Variants in AGAP1 observed in about 807,000 individuals in gnomAD.
AGAP1 encodes the protein arf-GAP with GTPase, ANK repeat and PH domain-containing protein 1.
AGAP1 carries 29 observed loss-of-function variants against 105.3 expected under a neutral mutation model. The ratio of observed to expected loss-of-function variants is 0.28; its 90% CI spans 0.21 to 0.38. AGAP1 has a LOEUF of 0.38. Ranked by LOEUF, AGAP1 falls within the 10% of genes least tolerant of loss-of-function variation. AGAP1 has a pLI of 1.00. For synonymous variants in AGAP1, 509 were observed against 485.9 expected, an observed-to-expected ratio of 1.05 and a Z score of -0.63; for missense variants, 998 against 1,165.1, an observed-to-expected ratio of 0.86 and a Z score of 2.09.
chr2:235,888,352 G>A lies in AGAP1; in HGVS notation c.1155+4903G>A, dbSNP rs1208266774. On this transcript the variant is annotated intron_variant, in intron 10 of 17. Transcript: ENST00000304032. The surrounding 1 kb of genome is among the most constrained non-coding windows in gnomAD (Gnocchi z 4.8). ...GCATAGTAGCTGATGTCAGAGGATT[G>A]CCTGTGTGGGATAGGAGGGTCTAGA... Among the ~76,000 whole-genome samples the A allele has an allele frequency of 6.6e-6, 1 of 152,148 alleles. No individual in the cohort carries two copies. Among genetic ancestry groups the A allele is most frequent in the Non-Finnish European group, 1.5e-5 (1 of 68,002 alleles).
chr2:235,805,912 T>G (rs1422226504), intron 8 of AGAP1, among the ~76,000 whole-genome samples: 1 of 152,194 alleles, frequency 6.6e-6, no homozygotes. Context: ...AAGCATCAGC[T>G]CTTATCACCA....
chr2:235,675,297 C>T (rs1948675360), intron 1 of AGAP1, among the ~76,000 whole-genome samples: 1 of 151,504 alleles, frequency 6.6e-6, no homozygotes, highest in African/African-American at 2.4e-5. Flanking sequence ...TCATGCCATG[C>T]TCCTGCCTCA....
chr2:235,781,931 A>G (rs1956288819), intron 6 of AGAP1, among the ~76,000 whole-genome samples: 1 of 152,218 alleles, frequency 6.6e-6, no homozygotes, highest in Non-Finnish European at 1.5e-5. Context: ...CTACGTCTTC[A>G]TGCATCATGG....
At chr2:235,968,372 G>C in intron 12 of AGAP1, 90 bp from the exon 13 acceptor site, 1 of 1,463,386 alleles carries the variant, frequency 6.8e-7, no homozygotes, top group Non-Finnish European at 9.1e-7. Flanking sequence ...TATGAGAGGA[G>C]CGTGGCTGTG....
chr2:235,594,772 C>A (rs1309415431), intron 1 of AGAP1, among the ~76,000 whole-genome samples: 1 of 151,962 alleles, frequency 6.6e-6, no homozygotes, highest in African/African-American at 2.4e-5. Flanking sequence ...TGGGGTCTCA[C>A]CATGTTGACC....
At chr2:235,624,165 A>G (rs896518234) in intron 1 of AGAP1, among the ~76,000 whole-genome samples, 5 of 152,232 alleles carry the variant, frequency 3.3e-5, no homozygotes, top group African/African-American at 9.6e-5. Flanking sequence ...GATGGTTCAA[A>G]TACTAAAAAC....
chr2:235,623,717 A>G lies in AGAP1; in HGVS notation c.164-85462A>G, dbSNP rs1022243996. On this transcript the variant is annotated intron_variant, in intron 1 of 17. Transcript: ENST00000304032. This position sits in a 1 kb window ranked among gnomAD's most constrained non-coding sequence, Gnocchi z 4.5. The stretch of plus-strand genomic sequence containing the variant: ...CTCCCCTCATTTTGGACATTTTCTC[A>G]GAATGAATGATACATCTCTGCTTTC... 2.0e-5 allele frequency among the ~76,000 whole-genome samples: 3 copies of G among 152,196 alleles called. No homozygotes were observed. Among genetic ancestry groups the G allele is most frequent in the African/African-American group, 7.2e-5 (3 of 41,438 alleles).
intron 1 of AGAP1, among the ~76,000 whole-genome samples, chr2:235,672,378 T>A (rs1230636471): frequency 6.6e-6 from 1 of 152,252 alleles, no homozygotes; most frequent in African/African-American, 2.4e-5. Context: ...TGTGCGGTAA[T>A]GTTAAAATCT....
At chr2:235,834,342 C>T (rs1435610528) in intron 9 of AGAP1, among the ~76,000 whole-genome samples, 2 of 152,162 alleles carry the variant, frequency 1.3e-5, no homozygotes, top group Non-Finnish European at 2.9e-5. Flanking sequence ...AACATGGGGA[C>T]AAGATCACAC....
chr2:235,670,468 C>A, intron 1 of AGAP1: 2 of 522,508 alleles, frequency 3.8e-6, no homozygotes, highest in South Asian at 2.3e-5. Flanking sequence ...TGGCCGGCAG[C>A]GCCCCGGCCG....
At position 235,662,142 on chromosome 2, in the gene AGAP1, T is replaced by G. The variant is rs1356807468; in HGVS notation, c.164-47037T>G. Reference sequence around the variant, plus strand: ...TCCACCTCCAAGCTGACCACCCTACTCAGCTCCTTTAGGGTGGAGTGGCTG... The same window carrying G: ...TCCACCTCCAAGCTGACCACCCTACGCAGCTCCTTTAGGGTGGAGTGGCTG... On this transcript the variant is annotated intron_variant, in intron 1 of 17. Transcript: ENST00000304032. The surrounding 1 kb of genome is among the most constrained non-coding windows in gnomAD (Gnocchi z 4.2). Among the ~76,000 whole-genome samples the G allele has an allele frequency of 6.6e-6, 1 of 152,150 alleles. No homozygotes were observed. The highest frequency in any genetic ancestry group is 1.5e-5 in the Non-Finnish European group (1 of 68,004).
chr2:235,522,793 C>A (rs1942671892), intron 1 of AGAP1, among the ~76,000 whole-genome samples: 1 of 152,132 alleles, frequency 6.6e-6, no homozygotes, highest in African/African-American at 2.4e-5. Context: ...GGAAAGCTGA[C>A]CTTTATGGTG....
At chr2:235,831,518 C>G (rs1438014852) in intron 9 of AGAP1, among the ~76,000 whole-genome samples, 3 of 152,212 alleles carry the variant, frequency 2.0e-5, no homozygotes, top group Non-Finnish European at 4.4e-5. Flanking sequence ...TTTACTGCCT[C>G]TATAGTTTTT....
chr2:235,542,221 G>C (rs879423251), intron 1 of AGAP1, among the ~76,000 whole-genome samples: 6 of 146,060 alleles, frequency 4.1e-5, no homozygotes, highest in East Asian at 1.9e-4. Context: ...GGGTCCCGGG[G>C]GGGGGCCAGT....
At chr2:235,899,569 A>G (rs1447640039) in intron 10 of AGAP1, among the ~76,000 whole-genome samples, 3 of 152,266 alleles carry the variant, frequency 2.0e-5, no homozygotes, top group Non-Finnish European at 4.4e-5. Flanking sequence ...AATTCGTCCA[A>G]AGAAATCTGA....
chr2:235,929,760 A>G (rs1320436425), intron 11 of AGAP1, among the ~76,000 whole-genome samples: 1 of 152,198 alleles, frequency 6.6e-6, no homozygotes, highest in Non-Finnish European at 1.5e-5. Flanking sequence ...CTGAATCAAA[A>G]TCTGTATTTT....
intron 5 of AGAP1, among the ~76,000 whole-genome samples, chr2:235,748,977 G>A (rs1173487753): frequency 6.6e-6 from 1 of 152,206 alleles, no homozygotes; most frequent in African/African-American, 2.4e-5. Flanking sequence ...GGGAGGCCCA[G>A]GCGGGTGGAT....
rs938332082 is a variant in AGAP1 at position 235,963,122 on chromosome 2, C to A, written c.1484-5340C>A. Among the ~76,000 whole-genome samples, 1 of 152,126 alleles carries A rather than the reference C, an allele frequency of 6.6e-6. No homozygotes were observed. The highest frequency in any genetic ancestry group is 2.4e-5 in the African/African-American group (1 of 41,422). On this transcript the variant is annotated intron_variant, in intron 12 of 17. Transcript: ENST00000304032. The surrounding 1 kb of genome is among the most constrained non-coding windows in gnomAD (Gnocchi z 5.1). Reference sequence around the variant, plus strand: ...GGTATTTCCAAGTGCTGTCTCCTTCCCAAGACTGCCACTTAGCTGCTTCCT... The same window carrying A: ...GGTATTTCCAAGTGCTGTCTCCTTCACAAGACTGCCACTTAGCTGCTTCCT...
rs2054262389 is a variant in AGAP1 at position 235,963,277 on chromosome 2, T to C, written c.1484-5185T>C. Among the ~76,000 whole-genome samples, 1 of 152,034 alleles carries C rather than the reference T, an allele frequency of 6.6e-6. No individual in the cohort carries two copies. Among genetic ancestry groups the C allele is most frequent in the African/African-American group, 2.4e-5 (1 of 41,414 alleles). ...GCAAAAAGTTTTCTACAGCTAAAAGTGGGAAGGGGCCTAGAAACAGACGTG... is the reference window on the plus strand; with the variant it reads ...GCAAAAAGTTTTCTACAGCTAAAAGCGGGAAGGGGCCTAGAAACAGACGTG... On this transcript the variant is annotated intron_variant, in intron 12 of 17. Coordinates refer to ENST00000304032, the MANE Select transcript of AGAP1 (RefSeq NM_001037131.3). This position sits in a 1 kb window ranked among gnomAD's most constrained non-coding sequence, Gnocchi z 5.1.
Sources: allele counts gnomAD v4.1 joint callset (sites outside exome capture counted in the v4.1 genomes callset), GRCh38; gene constraint gnomAD v4.1.1; non-coding constraint Gnocchi (gnomAD v3.1); transcripts MANE v1.5; gene names NCBI Gene and HGNC (gene_info 2026-07-23, HGNC 2026-07-21).